The following RP1 variants were observed in gnomAD, a reference collection of about 807,000 sequenced individuals.
RP1 encodes oxygen-regulated protein 1.
RP1 carries 16 observed loss-of-function variants against 14.8 expected under a neutral mutation model. That is an observed-to-expected ratio of 1.08 (90% confidence interval 0.73 to 1.65). The LOEUF (loss-of-function observed/expected upper bound fraction) is 1.65. Ranked by LOEUF, RP1 falls within the 40% of genes most tolerant of loss-of-function variation. The pLI, the probability that RP1 is intolerant of heterozygous loss-of-function variation, is 0.00. For missense variants in RP1, 2,631 were observed against 2,535.0 expected, an observed-to-expected ratio of 1.04 and a Z score of -0.81; for synonymous variants, 876 against 883.6, an observed-to-expected ratio of 0.99 and a Z score of 0.15.
intron 12 of RP1, among the ~76,000 whole-genome samples, chr8:54,698,366 T>C (rs1343241942): frequency 3.3e-5 from 5 of 152,158 alleles, no homozygotes; most frequent in African/African-American, 7.2e-5. Context: ...AGAATGACGA[T>C]CATTAAAATG....
upstream of RP1, among the ~76,000 whole-genome samples, chr8:54,614,781 T>C (rs1404320657): frequency 6.6e-6 from 1 of 152,188 alleles, no homozygotes; most frequent in African/African-American, 2.4e-5. Context: ...CTTTTGATGC[T>C]GATGCTTCTG....
intron 14 of RP1, among the ~76,000 whole-genome samples, chr8:54,704,917 A>T (rs1808113709): frequency 6.6e-6 from 1 of 152,176 alleles, no homozygotes; most frequent in Non-Finnish European, 1.5e-5. Context: ...TGCATATGAT[A>T]CTGTAATATA....
At chr8:54,856,672 G>A (rs1158540592) in intron 26 of RP1, among the ~76,000 whole-genome samples, 1 of 152,098 alleles carries the variant, frequency 6.6e-6, no homozygotes, top group South Asian at 2.1e-4. Context: ...CTGTTGTGAG[G>A]ATTCAATGAG....
At chr8:54,563,103 A>C (rs779337909) in intron 1 of RP1, among the ~76,000 whole-genome samples, 1 of 152,050 alleles carries the variant, frequency 6.6e-6, no homozygotes, top group South Asian at 2.1e-4. Flanking sequence ...CTCTTCAGAG[A>C]GAGAGAGAGA....
Position 54,625,233 on chromosome 8 carries a change from A to C in RP1, c.1351A>C (p.Thr451Pro), listed in dbSNP as rs1271900949. ...QAKHRFYRPP[T>P]PGLRRVRQKK... is the part of the protein sequence containing the mutation. ...AAAGCATCGTTTTTATAGGCCCCCTACACCTGGACTAAGAAGAGTGAGACA... is the reference window on the plus strand; with the variant it reads ...AAAGCATCGTTTTTATAGGCCCCCTCCACCTGGACTAAGAAGAGTGAGACA... Residue 451 changes from threonine to proline, a missense_variant, in exon 4 of 4, where the codon ACA (threonine) becomes CCA (proline). Thr to Pro is a conservative substitution (Grantham distance 38, BLOSUM62 -1). Transcript: ENST00000220676. 2 of 1,614,176 alleles carry C rather than the reference A, an allele frequency of 1.2e-6. No individual in the cohort carries two copies. The highest frequency in any genetic ancestry group is 1.7e-6 in the Non-Finnish European group (2 of 1,180,036).
chr8:54,753,296 C>T (rs143471811), intron 19 of RP1, among the ~76,000 whole-genome samples: 214 of 152,318 alleles, frequency 1.4e-3, no homozygotes, highest in African/African-American at 4.8e-3. Flanking sequence ...TTTAATCATT[C>T]GTTCAACAAA....
intron 15 of RP1, among the ~76,000 whole-genome samples, chr8:54,714,666 A>G (rs760953918): frequency 6.6e-6 from 1 of 152,182 alleles, no homozygotes; most frequent in Non-Finnish European, 1.5e-5. Flanking sequence ...GGGGGAGGTT[A>G]ATCTGAGTAA....
At position 54,853,667 on chromosome 8, in the gene RP1, A is replaced by T. The variant is rs868363160; in HGVS notation, c.3990+939A>T. Among the ~76,000 whole-genome samples the T allele has an allele frequency of 1.8e-4, 28 of 151,782 alleles. 1 individual carries two copies. The highest frequency in any genetic ancestry group is 6.1e-4 in the African/African-American group (25 of 41,320). ...GGAAAAAAATTTAAAACATACTTAC[A>T]TGGGAAGCTGAGGTAGGAGAATTGC... On this transcript the variant is annotated intron_variant, in intron 26 of 28. Coordinates refer to the RP1 transcript ENST00000637698.
chr8:54,832,765 C>T lies in RP1; in HGVS notation c.3616-4685C>T, dbSNP rs1811562418. On this transcript the variant is annotated intron_variant, in intron 24 of 28. Transcript: ENST00000637698. The stretch of plus-strand genomic sequence containing the variant: ...TTGAGTGCTGTTAATTTGTGGATCA[C>T]CTCGAATGTAGGGGTTTGTTTTTAT... Among the ~76,000 whole-genome samples the T allele has an allele frequency of 2.0e-5, 3 of 151,780 alleles. 1 individual carries two copies. Among genetic ancestry groups the T allele is most frequent in the Admixed American group, 1.3e-4 (2 of 15,212 alleles).
Position 54,696,392 on chromosome 8 carries a change from A to G in RP1, c.1718-3075A>G, listed in dbSNP as rs1479560992. On this transcript the variant is annotated intron_variant, in intron 12 of 22. Coordinates refer to the RP1 transcript ENST00000636932. ...AGAAAATCTAACTTTGTGCAACACT[A>G]GAAAGATGGCGGAGCAAGAGCAAAG... 28 of 660,458 alleles carry G rather than the reference A, an allele frequency of 4.2e-5. No individual in the cohort carries two copies. The East Asian group carries it at 6.7e-4, about 16-fold the overall frequency. The allele number at this position is 660,458 out of a possible 1,614,324, so 40.9% of individuals were successfully genotyped here.
At chr8:54,750,924 G>C (rs897292963) in intron 19 of RP1, among the ~76,000 whole-genome samples, 1 of 152,222 alleles carries the variant, frequency 6.6e-6, no homozygotes, top group African/African-American at 2.4e-5. Context: ...GGAAAAATAA[G>C]GGAATAAAAG....
chr8:54,702,468 T>C (rs973019169), intron 14 of RP1, among the ~76,000 whole-genome samples: 1 of 152,190 alleles, frequency 6.6e-6, no homozygotes, highest in Non-Finnish European at 1.5e-5. Flanking sequence ...CTAAAAAATG[T>C]ACATACCTTA....
intron 7 of RP1, among the ~76,000 whole-genome samples, chr8:54,664,481 T>C (rs1806970592): frequency 6.6e-6 from 1 of 152,142 alleles, no homozygotes; most frequent in Admixed American, 6.5e-5. Context: ...CTGTTTTGCA[T>C]AGCAGTTGTA....
chr8:54,850,263 G>A (rs998186572), intron 25 of RP1, among the ~76,000 whole-genome samples: 2 of 152,168 alleles, frequency 1.3e-5, no homozygotes, highest in African/African-American at 4.8e-5. Flanking sequence ...AGTAATACCT[G>A]TCTTTGAATA....
chr8:54,703,487 C>T (rs1216046022), intron 14 of RP1, among the ~76,000 whole-genome samples: 2 of 152,064 alleles, frequency 1.3e-5, no homozygotes, highest in East Asian at 3.9e-4. Context: ...ATATGCTGTC[C>T]TTCAGGCTTC....
At position 54,721,112 on chromosome 8, in the gene RP1, A is replaced by T. The variant is rs146423159; in HGVS notation, c.2389+806A>T. Among the ~76,000 whole-genome samples, 15 of 152,348 alleles carry T rather than the reference A, an allele frequency of 9.8e-5. No homozygotes were observed. The East Asian group carries it at 2.9e-3, about 29-fold the overall frequency. On this transcript the variant is annotated intron_variant, in intron 16 of 22. Transcript: ENST00000636932. The stretch of plus-strand genomic sequence containing the variant: ...CCCACAGAAGATAGCTTAGAATAGG[A>T]ATAAAATGAGCCTGATGTAACATGA...
intron 23 of RP1, among the ~76,000 whole-genome samples, chr8:54,775,341 C>T (rs1724577805): frequency 6.6e-6 from 1 of 152,138 alleles, no homozygotes; most frequent in African/African-American, 2.4e-5. Flanking sequence ...CTGTGTAAAG[C>T]AGAAATGATA....
chr8:54,817,339 A>G (rs985538668), intron 24 of RP1, among the ~76,000 whole-genome samples: 1 of 152,194 alleles, frequency 6.6e-6, no homozygotes, highest in African/African-American at 2.4e-5. Flanking sequence ...TGTCTTGGGC[A>G]TGCTTTTGGA....
At chr8:54,759,937 G>T (rs1053966511) in intron 22 of RP1, among the ~76,000 whole-genome samples, 1 of 152,062 alleles carries the variant, frequency 6.6e-6, no homozygotes, top group African/African-American at 2.4e-5. Flanking sequence ...TTCCAAATAG[G>T]TAATCAACAG....
Sources: gnomAD v4.1 joint callset for allele counts (sites outside exome capture counted in the v4.1 genomes callset) on GRCh38, gnomAD v4.1.1 for gene constraint, MANE v1.5 for transcripts, NCBI Gene and HGNC (gene_info 2026-07-23, HGNC 2026-07-21) for gene names.